The following NEO1 variants were observed in gnomAD, a reference collection of about 807,000 sequenced individuals.
NEO1 encodes neogenin 1, also known as neogenin.
NEO1 carries 63 observed loss-of-function variants against 159.7 expected under a neutral mutation model. That is an observed-to-expected ratio of 0.39 (90% CI 0.32 to 0.49). The LOEUF (loss-of-function observed/expected upper bound fraction) is 0.49, where lower values mean the gene tolerates loss of function less well. Among genes scored for constraint, NEO1 ranks in the 20% least tolerant of loss-of-function variants. The pLI, the probability that NEO1 is intolerant of heterozygous loss-of-function variation, is 0.85. For synonymous variants in NEO1, 633 were observed against 662.0 expected, an observed-to-expected ratio of 0.96 and a Z score of 0.67; for missense variants, 1,615 against 1,831.0, an observed-to-expected ratio of 0.88 and a Z score of 2.15.
chr15:73,069,065 C>T (rs2068383468), intron 1 of NEO1, among the ~76,000 whole-genome samples: 1 of 151,696 alleles, frequency 6.6e-6, no homozygotes, highest in African/African-American at 2.4e-5. Context: ...TGATCCTCCC[C>T]CCTTCAGCCT....
At chr15:73,082,362 A>G (rs1487895000) in intron 1 of NEO1, among the ~76,000 whole-genome samples, 1 of 152,216 alleles carries the variant, frequency 6.6e-6, no homozygotes. Flanking sequence ...CCGCATCGTA[A>G]TATAAGATGA....
chr15:73,061,040 A>T (rs1239162805), intron 1 of NEO1, among the ~76,000 whole-genome samples: 1 of 152,230 alleles, frequency 6.6e-6, no homozygotes, highest in Admixed American at 6.5e-5. Flanking sequence ...AATAAGAGAA[A>T]TAATTTTCAA....
intron 7 of NEO1, 185 bp from the exon 8 acceptor site, chr15:73,236,162 T>G: frequency 1.3e-6 from 1 of 777,084 alleles, no homozygotes; most frequent in East Asian, 2.7e-5. Context: ...TTTATGTTCA[T>G]TCATTTTATT....
intron 5 of NEO1, among the ~76,000 whole-genome samples, chr15:73,165,929 G>A (rs1215296125): frequency 6.6e-6 from 1 of 152,198 alleles, no homozygotes; most frequent in Non-Finnish European, 1.5e-5. Flanking sequence ...ACATGTGTCA[G>A]GAGACGGGAT....
chr15:73,148,441 A>G (rs954327205), intron 5 of NEO1, among the ~76,000 whole-genome samples: 4 of 152,192 alleles, frequency 2.6e-5, no homozygotes, highest in African/African-American at 9.7e-5. Flanking sequence ...AAATCAAACT[A>G]AAGAGCTCCA....
At chr15:73,135,457 C>T (rs1317604744) in intron 4 of NEO1, among the ~76,000 whole-genome samples, 3 of 152,156 alleles carry the variant, frequency 2.0e-5, no homozygotes, top group East Asian at 1.9e-4. Context: ...TAACATTTTG[C>T]CCTCTTTATG....
At chr15:73,274,215 T>C (rs1476541666) in intron 20 of NEO1, among the ~76,000 whole-genome samples, 2 of 152,182 alleles carry the variant, frequency 1.3e-5, no homozygotes, top group East Asian at 1.9e-4. Context: ...AAACATATCA[T>C]ATAAAAGAGG....
intron 1 of NEO1, among the ~76,000 whole-genome samples, chr15:73,081,093 C>A (rs751347640): frequency 1.2e-4 from 18 of 152,130 alleles, no homozygotes; most frequent in African/African-American, 2.2e-4. Context: ...ACATAAAACA[C>A]AGACATGTTC....
chr15:73,202,031 T>G (rs569280401), intron 7 of NEO1, among the ~76,000 whole-genome samples: 1 of 142,568 alleles, frequency 7.0e-6, no homozygotes, highest in East Asian at 2.2e-4. Flanking sequence ...TGGTGCAATC[T>G]CAGCTCACCA....
At chr15:73,068,080 G>A (rs2068315758) in intron 1 of NEO1, among the ~76,000 whole-genome samples, 1 of 152,158 alleles carries the variant, frequency 6.6e-6, no homozygotes, top group Non-Finnish European at 1.5e-5. Context: ...TTAGTTTGGT[G>A]GTTTGCAGGG....
Position 73,254,930 on chromosome 15 carries a change from A to G in NEO1, c.2092+101A>G, listed in dbSNP as rs992847956. 2.3e-6 allele frequency: 3 copies of G among 1,309,438 alleles called. No homozygotes were observed. The African/African-American group carries it at 4.5e-5, about 19-fold the overall frequency. 81.1% of individuals were successfully genotyped at this position (1,309,438 alleles called of 1,614,324 possible). A position where few individuals can be genotyped will look rare whatever the true frequency, so the allele number is the denominator to read the frequency against. ...CTCTGAACTGTCGACTTATACAAAC[A>G]AATTTAAAATGGTTCAGAAAATTTT... On this transcript the variant is annotated intron_variant, in intron 13 of 28. Transcript: ENST00000261908.
intron 3 of NEO1, among the ~76,000 whole-genome samples, chr15:73,124,959 C>T (rs2029979325): frequency 1.3e-5 from 2 of 152,282 alleles, no homozygotes; most frequent in Admixed American, 6.5e-5. Flanking sequence ...AAAAAAAGAA[C>T]TATTGCCATA....
intron 13 of NEO1, among the ~76,000 whole-genome samples, chr15:73,258,063 G>A (rs1291364988): frequency 6.6e-6 from 1 of 152,180 alleles, no homozygotes; most frequent in African/African-American, 2.4e-5. Flanking sequence ...GCCAAGTTAT[G>A]TTCTCAGTAC....
intron 23 of NEO1, among the ~76,000 whole-genome samples, chr15:73,284,187 T>G (rs1275221480): frequency 7.2e-5 from 11 of 152,200 alleles, no homozygotes; most frequent in African/African-American, 2.7e-4. Context: ...ATTCCTGAGT[T>G]ATTCCTAATA....
Position 73,214,888 on chromosome 15 carries a change from A to G in NEO1, c.1292-21459A>G, listed in dbSNP as rs530665414. Among the ~76,000 whole-genome samples, 3 of 152,252 alleles carry G rather than the reference A, an allele frequency of 2.0e-5. No individual in the cohort carries two copies. In the South Asian group the frequency reaches 6.2e-4, roughly 32 times the overall value. ...TTTTGGCACTATGATCATTTTCACA[A>G]TATTGATTCTATGCATCCATGAGCA... On this transcript the variant is annotated intron_variant, in intron 7 of 28. Transcript: ENST00000261908.
At chr15:73,258,407 CTT>C (rs951398918) in intron 13 of NEO1, among the ~76,000 whole-genome samples, 6 of 152,116 alleles carry the variant, frequency 3.9e-5, no homozygotes, top group African/African-American at 1.4e-4. Flanking sequence ...TTTTATAACT[CTT>C]TCATTGTTCT....
chr15:73,230,504 G>T (rs970740104), intron 7 of NEO1, among the ~76,000 whole-genome samples: 2 of 152,248 alleles, frequency 1.3e-5, no homozygotes, highest in East Asian at 3.9e-4. Flanking sequence ...TCTTCTTTCT[G>T]ATGTAGGTAA....
intron 1 of NEO1, among the ~76,000 whole-genome samples, chr15:73,099,540 A>G (rs536915877): frequency 5.3e-5 from 8 of 152,252 alleles, no homozygotes; most frequent in African/African-American, 1.7e-4. Context: ...AGGATTTTTA[A>G]TCTTGTGTTC....
intron 7 of NEO1, among the ~76,000 whole-genome samples, chr15:73,230,655 A>G (rs2038857883): frequency 1.3e-5 from 2 of 152,160 alleles, no homozygotes; most frequent in Non-Finnish European, 2.9e-5. Context: ...CAGTGGTACA[A>G]TTATGACCCA....
Sources: gnomAD v4.1 joint callset for allele counts (sites outside exome capture counted in the v4.1 genomes callset) on GRCh38, gnomAD v4.1.1 for gene constraint, MANE v1.5 for transcripts, NCBI Gene and HGNC (gene_info 2026-07-23, HGNC 2026-07-21) for gene names.